Variants in PABPC4L observed in about 807,000 individuals in gnomAD.
The protein encoded by PABPC4L is polyadenylate-binding protein 4-like.
For missense variants in PABPC4L, 452 were observed against 451.4 expected (o/e 1.00, Z -0.01); for synonymous variants, 169 against 164.1 (o/e 1.03, Z -0.23).
the PABPC4L span, among the ~76,000 whole-genome samples, chr4:134,097,431 C>T: frequency 3.9e-5 from 6 of 151,912 alleles, no homozygotes; most frequent in South Asian, 2.1e-4. Context: ...TTTTACCCTT[C>T]GCAGACCAAT....
At chr4:134,007,663 A>T in the PABPC4L span, among the ~76,000 whole-genome samples, 3 of 151,688 alleles carry the variant, frequency 2.0e-5, no homozygotes, top group South Asian at 2.1e-4. Flanking sequence ...CCTAATTATC[A>T]TCCTATCTAC....
At chr4:134,166,325 A>T in the PABPC4L span, among the ~76,000 whole-genome samples, 3 of 152,232 alleles carry the variant, frequency 2.0e-5, no homozygotes, top group African/African-American at 2.4e-5. Flanking sequence ...ATAGATAAAT[A>T]GATGTAAATA....
At chr4:134,003,470 T>G in the PABPC4L span, among the ~76,000 whole-genome samples, 1 of 151,962 alleles carries the variant, frequency 6.6e-6, no homozygotes, top group Non-Finnish European at 1.5e-5. Flanking sequence ...TTGTTGCATT[T>G]CCTGACTATA....
At chr4:134,072,274 T>A in the PABPC4L span, among the ~76,000 whole-genome samples, 1 of 152,156 alleles carries the variant, frequency 6.6e-6, no homozygotes, top group Non-Finnish European at 1.5e-5. Flanking sequence ...AATTTATGAA[T>A]GAATGTTTCC....
the PABPC4L span, among the ~76,000 whole-genome samples, chr4:134,039,804 G>T: frequency 6.6e-6 from 1 of 151,742 alleles, no homozygotes; most frequent in South Asian, 2.1e-4. Context: ...TTTAAATGGG[G>T]TATTTAGCCC....
the PABPC4L span, among the ~76,000 whole-genome samples, chr4:134,130,548 A>G: frequency 1.3e-5 from 2 of 152,072 alleles, no homozygotes; most frequent in African/African-American, 4.8e-5. Context: ...AAATTTGCCA[A>G]GTAAAAAAAA....
chr4:134,143,263 T>A, the PABPC4L span, among the ~76,000 whole-genome samples: 1 of 150,316 alleles, frequency 6.7e-6, no homozygotes, highest in Non-Finnish European at 1.5e-5. Flanking sequence ...AATATCTTAA[T>A]AATAAGCATA....
At chr4:134,134,343 A>G in the PABPC4L span, among the ~76,000 whole-genome samples, 2 of 152,054 alleles carry the variant, frequency 1.3e-5, no homozygotes, top group Non-Finnish European at 2.9e-5. Flanking sequence ...CTAGTTGCAT[A>G]TATTTATCTG....
chr4:134,038,222 G>T, the PABPC4L span, among the ~76,000 whole-genome samples: 1 of 152,124 alleles, frequency 6.6e-6, no homozygotes, highest in South Asian at 2.1e-4. Context: ...GATTTGGTGT[G>T]CCAGTATTTT....
chr4:134,001,514 A>G, the PABPC4L span, among the ~76,000 whole-genome samples: 2 of 152,120 alleles, frequency 1.3e-5, no homozygotes, highest in African/African-American at 4.8e-5. Flanking sequence ...TTTCTATATG[A>G]ACAGAAATAA....
chr4:134,148,403 T>A, the PABPC4L span, among the ~76,000 whole-genome samples: 2 of 151,994 alleles, frequency 1.3e-5, no homozygotes, highest in South Asian at 4.2e-4. Context: ...TGATGGAGAG[T>A]AGGTCAAGCT....
the PABPC4L span, among the ~76,000 whole-genome samples, chr4:134,179,782 G>C: frequency 1.3e-5 from 2 of 150,940 alleles, no homozygotes; most frequent in Non-Finnish European, 3.0e-5. Context: ...ATCAAAAAAG[G>C]CAAAAAAAAA....
the PABPC4L span, among the ~76,000 whole-genome samples, chr4:134,034,299 C>T: frequency 6.6e-6 from 1 of 152,004 alleles, no homozygotes; most frequent in South Asian, 2.1e-4. Flanking sequence ...TATCACTGCT[C>T]ATTGACAATG....
the PABPC4L span, among the ~76,000 whole-genome samples, chr4:134,082,457 C>T: frequency 6.6e-6 from 1 of 152,034 alleles, no homozygotes; most frequent in Non-Finnish European, 1.5e-5. Flanking sequence ...ATTCTCTGTT[C>T]TAACAGTTGA....
chr4:134,070,622 G>A, the PABPC4L span, among the ~76,000 whole-genome samples: 2 of 152,070 alleles, frequency 1.3e-5, no homozygotes, highest in Non-Finnish European at 1.5e-5. Flanking sequence ...TGCCCACCCA[G>A]ACACTGGCAA....
the PABPC4L span, among the ~76,000 whole-genome samples, chr4:134,177,506 A>C: frequency 6.6e-6 from 1 of 152,024 alleles, no homozygotes; most frequent in Non-Finnish European, 1.5e-5. Context: ...ACTCAGTTGG[A>C]GGGCACATCT....
At chr4:134,069,988 G>GTT in the PABPC4L span, among the ~76,000 whole-genome samples, 3,659 of 108,178 alleles carry the variant, frequency 0.034, 253 homozygotes, top group African/African-American at 0.11. Context: ...CCTTTGGAGG[G>GTT]TTTTTTTTTT....
At chr4:133,979,430 G>A in the PABPC4L span, among the ~76,000 whole-genome samples, 26 of 152,242 alleles carry the variant, frequency 1.7e-4, no homozygotes, top group African/African-American at 5.8e-4. Flanking sequence ...ATAAGAACAC[G>A]TTGTATAGAA....
chr4:134,013,926 G>A, the PABPC4L span, among the ~76,000 whole-genome samples: 6 of 152,022 alleles, frequency 3.9e-5, no homozygotes, highest in Admixed American at 3.3e-4. Flanking sequence ...CAGGCTTACA[G>A]TTTCATTCCG....
Sources: allele counts gnomAD v4.1 joint callset (sites outside exome capture counted in the v4.1 genomes callset), GRCh38; gene constraint gnomAD v4.1.1; transcripts MANE v1.5; gene names NCBI Gene and HGNC (gene_info 2026-07-23, HGNC 2026-07-21).